The following CRB1 variants were observed in gnomAD, a reference collection of about 807,000 sequenced individuals.
CRB1 encodes protein crumbs homolog 1.
CRB1 carries 83 observed loss-of-function variants against 120.0 expected under a neutral mutation model. That is an observed-to-expected ratio of 0.69 (90% confidence interval 0.58 to 0.83). CRB1 has a LOEUF of 0.83. Ranked by LOEUF, CRB1 falls within the 40% of genes least tolerant of loss-of-function variation. CRB1 has a pLI of 0.00. For missense variants in CRB1, 1,699 were observed against 1,687.6 expected, an observed-to-expected ratio of 1.01 and a Z score of -0.12; for synonymous variants, 625 against 612.5, an observed-to-expected ratio of 1.02 and a Z score of -0.30.
the CRB1 span, among the ~76,000 whole-genome samples, chr1:197,213,790 C>T: frequency 6.6e-6 from 1 of 151,528 alleles, no homozygotes; most frequent in Non-Finnish European, 1.5e-5. Flanking sequence ...ACCAATGGTT[C>T]AAAAAAGAAA....
chr1:197,391,950 G>A (rs1662526426), intron 5 of CRB1, among the ~76,000 whole-genome samples: 1 of 152,042 alleles, frequency 6.6e-6, no homozygotes, highest in Admixed American at 6.6e-5. Flanking sequence ...ATTTGTAGCT[G>A]AAACTTGGGG....
the CRB1 span, among the ~76,000 whole-genome samples, chr1:197,245,667 A>G: frequency 6.6e-6 from 1 of 152,192 alleles, no homozygotes; most frequent in African/African-American, 2.4e-5. Context: ...TTTTTATTGA[A>G]ACATGAAATT....
At chr1:197,420,573 C>T (rs925247798) in intron 5 of CRB1, among the ~76,000 whole-genome samples, 1 of 152,086 alleles carries the variant, frequency 6.6e-6, no homozygotes, top group East Asian at 1.9e-4. Context: ...TCACTGTTTC[C>T]AAGTAGAATA....
At chr1:197,414,637 A>G (rs998783393) in intron 5 of CRB1, among the ~76,000 whole-genome samples, 1 of 152,196 alleles carries the variant, frequency 6.6e-6, no homozygotes, top group Non-Finnish European at 1.5e-5. Context: ...ATCCCATACT[A>G]TAAATAATTG....
chr1:197,321,614 C>CA (rs1359537849), intron 1 of CRB1, among the ~76,000 whole-genome samples: 9 of 152,168 alleles, frequency 5.9e-5, no homozygotes, highest in African/African-American at 2.2e-4. Flanking sequence ...ATACATACCT[C>CA]ATACATACAG....
chr1:197,311,698 AGTGTGTGTGTGTGTGTGTGT>A (rs57455433), intron 1 of CRB1, among the ~76,000 whole-genome samples: 2 of 138,984 alleles, frequency 1.4e-5, no homozygotes, highest in South Asian at 2.5e-4. Flanking sequence ...TCATATAGTT[AGTGTGTGTGTGTGTGTGTGT>A]GTGTGTGTGT....
At chr1:197,446,616 C>T (rs1665713612) in intron 11 of CRB1, among the ~76,000 whole-genome samples, 1 of 152,092 alleles carries the variant, frequency 6.6e-6, no homozygotes, top group African/African-American at 2.4e-5. Context: ...TGGGCTTCTA[C>T]ATAGAGAATG....
At chr1:197,252,538 TTATATATATATATATATATA>T in the CRB1 span, among the ~76,000 whole-genome samples, 28 of 27,820 alleles carry the variant, frequency 1.0e-3, no homozygotes, top group East Asian at 3.2e-3. Context: ...CCAATAGATT[TTATATATATATATATATATA>T]TATATATATA....
chr1:197,445,338 A>C (rs1480513686), intron 11 of CRB1, among the ~76,000 whole-genome samples: 1 of 152,190 alleles, frequency 6.6e-6, no homozygotes, highest in Non-Finnish European at 1.5e-5. Flanking sequence ...GTACGTGGCA[A>C]GTGGGTTTTT....
At chr1:197,406,818 A>C (rs1388635680) in intron 5 of CRB1, among the ~76,000 whole-genome samples, 3 of 152,200 alleles carry the variant, frequency 2.0e-5, no homozygotes, top group Non-Finnish European at 4.4e-5. Context: ...TTTGCCGAAT[A>C]GAGCACTTTA....
rs548375664 is a variant in CRB1, at chr1:197,343,903, C to A, written c.653-378C>A. 4.6e-5 allele frequency among the ~76,000 whole-genome samples: 7 copies of A among 152,310 alleles called. No homozygotes were observed. In the South Asian group the frequency reaches 1.5e-3, roughly 32 times the overall value. On this transcript the variant is annotated intron_variant, in intron 2 of 11. Transcript: ENST00000367400. Reference sequence around the variant, plus strand: ...CAACTGTCTGGCTTTGGAGTCTGAGCTCTTACCCACTGTTCTCTCTGCTCC... The same window carrying A: ...CAACTGTCTGGCTTTGGAGTCTGAGATCTTACCCACTGTTCTCTCTGCTCC...
At chr1:197,443,268 G>A (rs1288549461) in intron 11 of CRB1, 2 of 151,268 alleles carry the variant, frequency 1.3e-5, no homozygotes, top group African/African-American at 2.4e-5. Context: ...AATTTACATC[G>A]AGTCCCTAAA....
At chr1:197,379,605 CAAAAAAAAAAA>C (rs75820081) in intron 5 of CRB1, among the ~76,000 whole-genome samples, 1 of 74,386 alleles carries the variant, frequency 1.3e-5, no homozygotes. Flanking sequence ...CGGCCCCGGC[CAAAAAAAAAAA>C]AAAAAAAAAA....
At chr1:197,302,550 G>A in intron 1 of CRB1, among the ~76,000 whole-genome samples, 1 of 152,112 alleles carries the variant, frequency 6.6e-6, no homozygotes, top group East Asian at 1.9e-4. Context: ...ATATACACAA[G>A]ATGGGGCCAA....
chr1:197,333,551 T>C, intron 2 of CRB1, among the ~76,000 whole-genome samples: 1 of 152,234 alleles, frequency 6.6e-6, no homozygotes, highest in East Asian at 1.9e-4. Flanking sequence ...CAGTTCAATG[T>C]ATGTTGAAAC....
intron 1 of CRB1, among the ~76,000 whole-genome samples, chr1:197,272,571 T>A (rs1209184517): frequency 6.6e-6 from 1 of 152,104 alleles, no homozygotes; most frequent in East Asian, 1.9e-4. Context: ...GTGCTACATC[T>A]ATATAATGGA....
chr1:197,209,378 T>G, the CRB1 span, among the ~76,000 whole-genome samples: 13 of 152,288 alleles, frequency 8.5e-5, no homozygotes, highest in African/African-American at 2.9e-4. Context: ...GGAGTCTCGC[T>G]CTGTTGCCCA....
the CRB1 span, among the ~76,000 whole-genome samples, chr1:197,243,047 A>G: frequency 2.0e-5 from 3 of 151,478 alleles, no homozygotes; most frequent in Non-Finnish European, 4.4e-5. Flanking sequence ...TATTGCATCT[A>G]TCTGATTCTT....
intron 1 of CRB1, among the ~76,000 whole-genome samples, chr1:197,295,852 T>G (rs1285460727): frequency 1.3e-5 from 2 of 152,054 alleles, no homozygotes; most frequent in South Asian, 2.1e-4. Flanking sequence ...TAAAGTATTA[T>G]GTCTTCATAA....
Sources: gnomAD v4.1 joint callset for allele counts (sites outside exome capture counted in the v4.1 genomes callset) on GRCh38, gnomAD v4.1.1 for gene constraint, MANE v1.5 for transcripts, NCBI Gene and HGNC (gene_info 2026-07-23, HGNC 2026-07-21) for gene names.